Variants in UBLCP1 observed in about 807,000 individuals in gnomAD.
UBLCP1 encodes ubiquitin like domain containing CTD phosphatase 1.
In UBLCP1, 28 loss-of-function variants were observed where a neutral mutation model predicts 42.4. The observed-to-expected ratio is 0.66, with a 90% CI of 0.49 to 0.90. The LOEUF (loss-of-function observed/expected upper bound fraction) is 0.90. Ranked by LOEUF, UBLCP1 falls within the 40% of genes least tolerant of loss-of-function variation. The pLI is 0.00. For synonymous variants in UBLCP1, 122 were observed against 120.8 expected (o/e 1.01, Z -0.07); for missense variants, 279 against 374.5 (o/e 0.75, Z 2.10).
At chr5:159,271,973 C>A in intron 5 of UBLCP1, 50 bp from the exon 6 acceptor site, 2 of 1,315,410 alleles carry the variant, frequency 1.5e-6, no homozygotes, top group Non-Finnish European at 2.2e-6. Context: ...GTATTAGGTA[C>A]TTGTTCATGA....
At chr5:159,280,359 G>T (rs1019807880) in intron 9 of UBLCP1, among the ~76,000 whole-genome samples, 1 of 152,204 alleles carries the variant, frequency 6.6e-6, no homozygotes, top group African/African-American at 2.4e-5. Flanking sequence ...CTGGAGTGCA[G>T]TGGCATGATC....
At chr5:159,266,926 C>T (rs755643157) in intron 1 of UBLCP1, among the ~76,000 whole-genome samples, 10 of 152,196 alleles carry the variant, frequency 6.6e-5, no homozygotes, top group East Asian at 1.9e-4. Flanking sequence ...AACTCTTGGA[C>T]GCCCTGGCAA....
intron 3 of UBLCP1, 143 bp from the exon 4 acceptor site, chr5:159,270,217 A>T: frequency 1.3e-6 from 1 of 790,496 alleles, no homozygotes; most frequent in Non-Finnish European, 2.0e-6. Context: ...ATACATAACG[A>T]ATTATTAATT....
Position 159,270,359 on chromosome 5 carries a change from G to T in UBLCP1, c.247-1G>T. 6.2e-7 allele frequency: 1 copy of T among 1,610,364 alleles called. No individual in the cohort carries two copies. The highest frequency in any genetic ancestry group is 8.5e-7 in the Non-Finnish European group (1 of 1,177,930). Reference sequence around the variant, plus strand: ...GAACAAAACTTTTTCCATCTTAATAGGAAGATGTCTTAGGTCCACCCCCTG... The same window carrying T: ...GAACAAAACTTTTTCCATCTTAATATGAAGATGTCTTAGGTCCACCCCCTG... On this transcript the variant is annotated splice_acceptor_variant, in intron 3 of 10. Transcript: ENST00000296786. LOFTEE classifies it high-confidence loss of function.
At position 159,285,059 on chromosome 5, in the gene UBLCP1, G is replaced by GT; in HGVS notation, c.*134dup. The GT allele has an allele frequency of 1.2e-6, 1 of 832,142 alleles. No homozygotes were observed. The highest frequency in any genetic ancestry group is 1.9e-6 in the Non-Finnish European group (1 of 532,840). 51.5% of individuals were successfully genotyped at this position (832,142 alleles called of 1,614,324 possible). On this transcript the variant is annotated 3_prime_UTR_variant, in exon 11 of 11. Coordinates refer to ENST00000296786, the MANE Select transcript of UBLCP1 (RefSeq NM_145049.5). ...CATACTGCTTATACTTGGTCTTCCAGTTTTTTGTAAATTTAATTTTATATT... is the reference window on the plus strand; with the variant it reads ...CATACTGCTTATACTTGGTCTTCCAGTTTTTTTGTAAATTTAATTTTATATT...
At chr5:159,272,214 TTAAA>T (rs1238531053) in intron 6 of UBLCP1, 93 bp downstream of exon 6, 4 of 997,308 alleles carry the variant, frequency 4.0e-6, no homozygotes, top group Non-Finnish European at 4.5e-6. Flanking sequence ...TGACCTGTGT[TTAAA>T]TATGAAATAG....
Position 159,270,366 on chromosome 5 carries a change from G to T in UBLCP1, c.253G>T (p.Val85Phe), listed in dbSNP as rs1753448646. 1 of 1,612,652 alleles carries T rather than the reference G, an allele frequency of 6.2e-7. No homozygotes were observed. Among genetic ancestry groups the T allele is most frequent in the Non-Finnish European group, 8.5e-7 (1 of 1,179,336 alleles). Residue 85 changes from valine (V) to phenylalanine (F), a missense_variant, in exon 4 of 11, where the codon GTC (valine) becomes TTC (phenylalanine). By Grantham distance (50) the Val-to-Phe change is conservative (BLOSUM62 -1). Transcript: ENST00000296786. ...MGTREESLED[V>F]LGPPPDNDDV... is the part of the protein sequence containing the mutation. ...ACTTTTTCCATCTTAATAGGAAGAT[G>T]TCTTAGGTCCACCCCCTGACAATGA...
At position 159,275,885 on chromosome 5, in the gene UBLCP1, G is replaced by A. The variant is rs115165550; in HGVS notation, c.684+639G>A. Among the ~76,000 whole-genome samples, 677 of 152,202 alleles carry A rather than the reference G, an allele frequency of 4.4e-3. 8 individuals are homozygous for A. The highest frequency in any genetic ancestry group is 0.016 in the African/African-American group (644 of 41,538). ...ATCAAGGAAGATACTAGAAACAAGC[G>A]AAAACACTCACCCTGCCCTGTTTGA... is the stretch of plus-strand genomic sequence containing the variant. On this transcript the variant is annotated intron_variant, in intron 8 of 10. Transcript: ENST00000296786.
intron 3 of UBLCP1, 93 bp downstream of exon 3, chr5:159,270,092 G>C (rs936971569): frequency 8.8e-7 from 1 of 1,136,412 alleles, no homozygotes; most frequent in Non-Finnish European, 1.2e-6. Flanking sequence ...TGGTAAAATT[G>C]TCAGTCTAGC....
intron 5 of UBLCP1, 70 bp from the exon 6 acceptor site, chr5:159,271,950 TTAA>T (rs1753473071): frequency 2.9e-6 from 3 of 1,024,872 alleles, no homozygotes; most frequent in Middle Eastern, 2.2e-4. Flanking sequence ...TATATTACAT[TTAA>T]TAATAATTGG....
At chr5:159,264,898 C>T (rs922338460) in intron 1 of UBLCP1, among the ~76,000 whole-genome samples, 10 of 152,332 alleles carry the variant, frequency 6.6e-5, no homozygotes, top group Admixed American at 3.9e-4. Flanking sequence ...CTACGCATCA[C>T]AATATATGCG....
intron 8 of UBLCP1, among the ~76,000 whole-genome samples, chr5:159,276,493 T>A (rs1753538927): frequency 6.6e-6 from 1 of 152,110 alleles, no homozygotes; most frequent in African/African-American, 2.4e-5. Flanking sequence ...AATAATACAT[T>A]TACAAAATCT....
chr5:159,278,191 A>G (rs1179553164), intron 8 of UBLCP1, 47 bp from the exon 9 acceptor site: 30 of 1,334,852 alleles, frequency 2.2e-5, no homozygotes, highest in Non-Finnish European at 3.2e-5. Context: ...TTAAGACAGG[A>G]TGAAATATTG....
In UBLCP1 at chr5:159,283,119, T is replaced by C. The variant is rs1465151408; in HGVS notation, c.802-93T>C. On this transcript the variant is annotated intron_variant, in intron 9 of 10. Transcript: ENST00000296786. ...AGTATTTATGTTCTTGGTGATATTT[T>C]AACCTCATTAACTCTAATTGAAATG... is the stretch of plus-strand genomic sequence containing the variant. 4.7e-6 allele frequency: 6 copies of C among 1,275,890 alleles called. 1 individual carries two copies. In the East Asian group the frequency reaches 7.7e-5, roughly 16 times the overall value. The allele number at this position is 1,275,890 out of a possible 1,614,324, so 79.0% of individuals were successfully genotyped here.
chr5:159,274,686 C>G, intron 7 of UBLCP1, 64 bp downstream of exon 7: 1 of 1,448,946 alleles, frequency 6.9e-7, no homozygotes. Context: ...GTTAAAAGTT[C>G]TAGAACTGAA....
At chr5:159,269,813 G>A in intron 2 of UBLCP1, 95 bp from the exon 3 acceptor site, 1 of 1,000,500 alleles carries the variant, frequency 1.0e-6, no homozygotes, top group Non-Finnish European at 1.5e-6. Context: ...TGTGACATCT[G>A]TACCAAACCT....
At chr5:159,266,226 C>T (rs935176978) in intron 1 of UBLCP1, among the ~76,000 whole-genome samples, 1 of 152,142 alleles carries the variant, frequency 6.6e-6, no homozygotes, top group African/African-American at 2.4e-5. Flanking sequence ...CCATAAGGTC[C>T]AGGCTGAGGT....
intron 9 of UBLCP1, among the ~76,000 whole-genome samples, chr5:159,279,060 C>T (rs575390094): frequency 1.5e-4 from 23 of 152,216 alleles, no homozygotes; most frequent in African/African-American, 4.8e-4. Context: ...AAACTAAAGA[C>T]GTTTTTGAAA....
intron 10 of UBLCP1, 41 bp downstream of exon 10, chr5:159,283,380 G>A (rs1202772942): frequency 6.7e-7 from 1 of 1,490,644 alleles, no homozygotes; most frequent in Admixed American, 2.3e-5. Context: ...TTACATCAAT[G>A]AAGAAAAAAT....
Sources: allele counts gnomAD v4.1 joint callset (sites outside exome capture counted in the v4.1 genomes callset), GRCh38; gene constraint gnomAD v4.1.1; transcripts MANE v1.5; gene names NCBI Gene and HGNC (gene_info 2026-07-23, HGNC 2026-07-21).